The following RGS21 variants were observed in gnomAD, a reference collection of about 807,000 sequenced individuals.
RGS21 encodes regulator of G-protein signalling 21.
A neutral mutation model predicts 18.7 loss-of-function variants in RGS21; 19 were observed. That is an observed-to-expected ratio of 1.01 (90% confidence interval 0.71 to 1.49). The LOEUF (loss-of-function observed/expected upper bound fraction) is 1.49. Among genes scored for constraint, RGS21 ranks in the 40% most tolerant of loss-of-function variants. The probability of loss-of-function intolerance (pLI) is 0.00; values close to 1 mark genes in which losing one functional copy is unlikely to be tolerated. For missense variants in RGS21, 194 were observed against 176.8 expected (o/e 1.10, Z -0.55); for synonymous variants, 56 against 57.8 (o/e 0.97, Z 0.14).
rs199921424 is a variant in RGS21 at position 192,365,992 on chromosome 1, T to G, written c.327T>G (p.Asp109Glu). The change falls in exon 5 of 5, where the codon GAT becomes GAG. Residue 109 changes from aspartate (D) to glutamate (E), a missense_variant. By Grantham distance (45) the Asp-to-Glu change is conservative. Transcript: ENST00000417209. Reference sequence around the variant, plus strand: ...CTGAACCAACACTCAAATGCTTTGATGAGGCTCAGAAATTAATCTATTGTC... The same window carrying G: ...CTGAACCAACACTCAAATGCTTTGAGGAGGCTCAGAAATTAATCTATTGTC... ...NIAEPTLKCFDEAQKLIYCLM... is the reference protein window; with the variant it reads ...NIAEPTLKCFEEAQKLIYCLM... 1 of 1,610,072 alleles carries G rather than the reference T, an allele frequency of 6.2e-7. No individual in the cohort carries two copies. Among genetic ancestry groups the G allele is most frequent in the African/African-American group, 1.3e-5 (1 of 74,800 alleles).
chr1:192,364,373 T>A (rs1659225774), intron 4 of RGS21, among the ~76,000 whole-genome samples: 1 of 152,180 alleles, frequency 6.6e-6, no homozygotes, highest in African/African-American at 2.4e-5. Flanking sequence ...AGTGGCCTTT[T>A]GATGATTCTT....
chr1:192,317,413 A>G lies in RGS21; in HGVS notation c.-61+308A>G, dbSNP rs1039559430. On this transcript the variant is annotated intron_variant, in intron 1 of 4. Coordinates refer to ENST00000417209, the MANE Select transcript of RGS21 (RefSeq NM_001039152.3). ...AGAAAAAGACAAGAGATAGGATTATAGAACCCATAGAATTTTAAAGCTAGA... is the reference window on the plus strand; with the variant it reads ...AGAAAAAGACAAGAGATAGGATTATGGAACCCATAGAATTTTAAAGCTAGA... Among the ~76,000 whole-genome samples the G allele has an allele frequency of 2.0e-5, 3 of 151,970 alleles. 1 individual carries two copies. Among genetic ancestry groups the G allele is most frequent in the African/African-American group, 7.2e-5 (3 of 41,540 alleles).
intron 1 of RGS21, among the ~76,000 whole-genome samples, chr1:192,332,728 T>G (rs1248308192): frequency 6.6e-6 from 1 of 152,160 alleles, no homozygotes; most frequent in Non-Finnish European, 1.5e-5. Flanking sequence ...TCATATCTAC[T>G]ATACATAAAG....
chr1:192,343,485 T>C (rs1304536861), intron 2 of RGS21, among the ~76,000 whole-genome samples: 1 of 152,108 alleles, frequency 6.6e-6, no homozygotes, highest in African/African-American at 2.4e-5. Flanking sequence ...ACACTGCTAA[T>C]TGAGTGTGAA....
intron 1 of RGS21, among the ~76,000 whole-genome samples, chr1:192,321,199 TC>T (rs1658492552): frequency 6.6e-6 from 1 of 151,920 alleles, no homozygotes; most frequent in African/African-American, 2.4e-5. Context: ...AGATTTCTAT[TC>T]GACCCCATTT....
intron 4 of RGS21, among the ~76,000 whole-genome samples, chr1:192,357,201 A>C (rs1204615527): frequency 3.3e-5 from 5 of 151,782 alleles, no homozygotes; most frequent in African/African-American, 1.2e-4. Context: ...GGGAAACAAG[A>C]CAAGATGGGA....
chr1:192,326,682 A>G (rs1431640459), intron 1 of RGS21, among the ~76,000 whole-genome samples: 1 of 152,174 alleles, frequency 6.6e-6, no homozygotes, highest in East Asian at 1.9e-4. Context: ...TGTTGAAACA[A>G]AAGTATTTCA....
intron 1 of RGS21, among the ~76,000 whole-genome samples, chr1:192,340,953 A>C (rs1658850400): frequency 6.6e-6 from 1 of 152,094 alleles, no homozygotes; most frequent in South Asian, 2.1e-4. Context: ...ACAATTCAAG[A>C]TGAAATTTGG....
rs184454463 is a variant in RGS21, at chr1:192,348,079, G to A, written c.88+690G>A. Among the ~76,000 whole-genome samples, 327 of 150,358 alleles carry A rather than the reference G, an allele frequency of 2.2e-3. 2 individuals are homozygous for A. Among genetic ancestry groups the A allele is most frequent in the Non-Finnish European group, 4.1e-3 (277 of 67,580 alleles). On this transcript the variant is annotated intron_variant, in intron 3 of 4. Transcript: ENST00000417209. ...TACCACCCAGACTGGAGTGTAGAGT[G>A]TAGTGGTGTGATCTCTGCTCACTGC... is the stretch of plus-strand genomic sequence containing the variant.
At chr1:192,347,651 C>T (rs1052291394) in intron 3 of RGS21, among the ~76,000 whole-genome samples, 5 of 151,924 alleles carry the variant, frequency 3.3e-5, no homozygotes, top group African/African-American at 1.2e-4. Flanking sequence ...CTCACTTTAA[C>T]ATTTTTTATT....
At chr1:192,347,960 GC>G (rs1362388540) in intron 3 of RGS21, among the ~76,000 whole-genome samples, 4 of 151,748 alleles carry the variant, frequency 2.6e-5, no homozygotes, top group African/African-American at 9.7e-5. Context: ...CACTGTGCCA[GC>G]CCTAGGCTCG....
At chr1:192,351,662 T>G (rs993019911) in intron 3 of RGS21, among the ~76,000 whole-genome samples, 3 of 148,266 alleles carry the variant, frequency 2.0e-5, no homozygotes, top group Non-Finnish European at 4.5e-5. Context: ...GCTATATATA[T>G]AACATATATA....
At position 192,366,228 on chromosome 1, in the gene RGS21, T is replaced by G. The variant is rs2102240835; in HGVS notation, c.*104T>G. 1.4e-6 allele frequency: 1 copy of G among 717,454 alleles called. No homozygotes were observed. Among genetic ancestry groups the G allele is most frequent in the South Asian group, 1.7e-5 (1 of 60,376 alleles). 44.4% of individuals were successfully genotyped at this position (717,454 alleles called of 1,614,324 possible). A position where few individuals can be genotyped will look rare whatever the true frequency, so the allele number is the denominator to read the frequency against. Reference sequence around the variant, plus strand: ...TTTTGTTTTTAGGATTTAGAAAACATTTTTTACCCAAACAGATGAATAACG... The same window carrying G: ...TTTTGTTTTTAGGATTTAGAAAACAGTTTTTACCCAAACAGATGAATAACG... On this transcript the variant is annotated 3_prime_UTR_variant, in exon 5 of 5. Coordinates refer to ENST00000417209, the MANE Select transcript of RGS21 (RefSeq NM_001039152.3).
At chr1:192,354,895 ACT>A (rs903501313) in intron 4 of RGS21, among the ~76,000 whole-genome samples, 3 of 151,766 alleles carry the variant, frequency 2.0e-5, no homozygotes, top group Non-Finnish European at 4.4e-5. Context: ...TTACAATTAA[ACT>A]ATATGAAACT....
At chr1:192,346,162 C>T (rs1317551550) in intron 2 of RGS21, among the ~76,000 whole-genome samples, 1 of 152,048 alleles carries the variant, frequency 6.6e-6, no homozygotes, top group Non-Finnish European at 1.5e-5. Context: ...TTCTTAGCTA[C>T]AGTGTCCTCT....
At chr1:192,331,225 A>G (rs76922506) in intron 1 of RGS21, among the ~76,000 whole-genome samples, 23 of 152,270 alleles carry the variant, frequency 1.5e-4, no homozygotes, top group East Asian at 7.7e-4. Context: ...AAAAGTTGTA[A>G]GTGATCTGAT....
intron 4 of RGS21, among the ~76,000 whole-genome samples, chr1:192,354,491 G>T (rs964926192): frequency 1.3e-5 from 2 of 151,688 alleles, no homozygotes; most frequent in Non-Finnish European, 3.0e-5. Context: ...AGGACTTGGG[G>T]ATGAGGTTGG....
intron 4 of RGS21, among the ~76,000 whole-genome samples, chr1:192,354,419 G>A (rs1659084881): frequency 6.6e-6 from 1 of 151,740 alleles, no homozygotes; most frequent in Admixed American, 6.6e-5. Context: ...GAGCACCATT[G>A]TATAAAGCTC....
At chr1:192,354,713 T>C (rs1280476032) in intron 4 of RGS21, among the ~76,000 whole-genome samples, 1 of 151,712 alleles carries the variant, frequency 6.6e-6, no homozygotes, top group South Asian at 2.1e-4. Flanking sequence ...CAGACTCTTA[T>C]AAAGAATCTA....
Sources: gnomAD v4.1 joint callset for allele counts (sites outside exome capture counted in the v4.1 genomes callset) on GRCh38, gnomAD v4.1.1 for gene constraint, MANE v1.5 for transcripts, NCBI Gene and HGNC (gene_info 2026-07-23, HGNC 2026-07-21) for gene names.